Variants in ADGRE5 observed in about 807,000 individuals in gnomAD.
The protein encoded by ADGRE5 is adhesion G protein-coupled receptor E5.
A neutral mutation model predicts 100.3 loss-of-function variants in ADGRE5; 72 were observed. The ratio of observed to expected loss-of-function variants is 0.72; its 90% CI spans 0.59 to 0.87. The LOEUF is 0.87. ADGRE5 is among the 40% of genes least tolerant of loss of function. The pLI, the probability that ADGRE5 is intolerant of heterozygous loss-of-function variation, is 0.00. For synonymous variants in ADGRE5, 439 were observed against 447.8 expected (o/e 0.98, Z 0.25); for missense variants, 959 against 1,094.7 (o/e 0.88, Z 1.75).
Position 14,386,378 on chromosome 19 carries a change from CAAAAA to C in ADGRE5, c.23-2050_23-2046del, listed in dbSNP as rs747651350. On this transcript the variant is annotated intron_variant, in intron 1 of 19. Transcript: ENST00000242786. ...TGGGCAACAGAGCAAGACTCCATCT[CAAAAA>C]AAAAAAAAAAAAAAAAAAAAAGAGA... The C allele has an allele frequency of 8.4e-3, 114 of 13,614 alleles. 1 individual carries two copies. The highest frequency in any genetic ancestry group is 0.021 in the African/African-American group (100 of 4,696). The allele number at this position is 13,614 out of a possible 1,614,324, so 0.8% of individuals were successfully genotyped here. A position where few individuals can be genotyped will look rare whatever the true frequency, so the allele number is the denominator to read the frequency against.
intron 3 of ADGRE5, among the ~76,000 whole-genome samples, chr19:14,389,354 AGGGGGATGAGGAGGGAGAC>A: frequency 4.1e-5 from 1 of 24,244 alleles, no homozygotes; most frequent in Non-Finnish European, 7.1e-5. Flanking sequence ...GGGGAAGGGG[AGGGGGATGAGGAGGGAGAC>A]GGGGAAGGGG....
chr19:14,381,481 C>T lies in ADGRE5; in HGVS notation c.-43C>T, dbSNP rs777093304. On this transcript the variant is annotated 5_prime_UTR_variant, in exon 1 of 20. Transcript: ENST00000242786. ...CCTGTGGAGACGGGACAGCCCTGTC[C>T]CACTCACTCTTTCCCCTGCCGCTCC... The T allele has an allele frequency of 2.5e-6, 4 of 1,609,850 alleles. No homozygotes were observed. The highest frequency in any genetic ancestry group is 1.1e-5 in the South Asian group (1 of 90,956).
intron 1 of ADGRE5, among the ~76,000 whole-genome samples, chr19:14,388,208 A>T (rs1975427794): frequency 6.6e-6 from 1 of 151,920 alleles, no homozygotes; most frequent in Non-Finnish European, 1.5e-5. Flanking sequence ...AGCCTGGGTG[A>T]CCAAGCAGGA....
chr19:14,400,648 C>T (rs1275165867), intron 9 of ADGRE5, among the ~76,000 whole-genome samples: 3 of 151,844 alleles, frequency 2.0e-5, no homozygotes, highest in East Asian at 1.9e-4. Flanking sequence ...AAAAATTAGC[C>T]GGGCATGGTG....
chr19:14,402,541 G>A, intron 11 of ADGRE5, 56 bp from the exon 12 acceptor site: 3 of 1,593,996 alleles, frequency 1.9e-6, no homozygotes, highest in Non-Finnish European at 2.6e-6. Flanking sequence ...TGGGAGGGAG[G>A]ATAGAGCATG....
intron 9 of ADGRE5, among the ~76,000 whole-genome samples, chr19:14,399,804 C>T (rs147418346): frequency 1.1e-4 from 16 of 151,846 alleles, no homozygotes; most frequent in African/African-American, 3.9e-4. Flanking sequence ...ATGTGAGCCA[C>T]TTAACATCAT....
At chr19:14,405,143 C>T (rs28668137) in intron 13 of ADGRE5, 11,214 of 153,286 alleles carry the variant, frequency 0.073, 755 homozygotes, top group African/African-American at 0.18. Context: ...CCGCACCCGG[C>T]CTCTTTTTTT....
Position 14,406,818 on chromosome 19 carries a change from C to T in ADGRE5, c.2116-51C>T, listed in dbSNP as rs558062685. 7.5e-5 allele frequency: 121 copies of T among 1,610,098 alleles called. 1 individual carries two copies. In the South Asian group the frequency reaches 1.0e-3, roughly 14 times the overall value. On this transcript the variant is annotated intron_variant, in intron 16 of 19. Coordinates refer to ENST00000242786, the MANE Select transcript of ADGRE5 (RefSeq NM_078481.4). The surrounding 1 kb of genome is among the most constrained non-coding windows in gnomAD (Gnocchi z 6.0). The stretch of plus-strand genomic sequence containing the variant: ...AGCCCGAGCGCCACAGGCCCAGGCC[C>T]GGCTGGACCATCGCTCTCGCCCTCT...
At chr19:14,392,326 A>T (rs1281953952) in intron 4 of ADGRE5, among the ~76,000 whole-genome samples, 1 of 151,602 alleles carries the variant, frequency 6.6e-6, no homozygotes, top group Non-Finnish European at 1.5e-5. Flanking sequence ...TTTGAGACAG[A>T]GTCTCACTCT....
At position 14,408,288 on chromosome 19, in the gene ADGRE5, G is replaced by T. The variant is rs532842484; in HGVS notation, c.*167G>T. ...AGCTATAGTCTGGCACCAAAGTCCA[G>T]GACACCCAGTGGGGTGGAGTCGGAG... is the stretch of plus-strand genomic sequence containing the variant. On this transcript the variant is annotated 3_prime_UTR_variant, in exon 20 of 20. Coordinates refer to ENST00000242786, the MANE Select transcript of ADGRE5 (RefSeq NM_078481.4). The T allele has an allele frequency of 6.5e-6, 5 of 767,890 alleles. No homozygotes were observed. Among genetic ancestry groups the T allele is most frequent in the Admixed American group, 4.2e-5 (2 of 47,270 alleles). The allele number at this position is 767,890 out of a possible 1,614,324, so 47.6% of individuals were successfully genotyped here.
At chr19:14,404,264 C>A in intron 12 of ADGRE5, 119 bp from the exon 13 acceptor site, 3 of 872,496 alleles carry the variant, frequency 3.4e-6, no homozygotes, top group Non-Finnish European at 5.3e-6. Context: ...CTGTTACATT[C>A]AGTAGGCGCT....
intron 9 of ADGRE5, among the ~76,000 whole-genome samples, chr19:14,398,674 CAAA>C (rs71164256): frequency 1.9e-5 from 1 of 53,092 alleles, no homozygotes; most frequent in Non-Finnish European, 3.4e-5. Flanking sequence ...GACTCTGTCT[CAAA>C]AAAAAAAAAA....
chr19:14,390,619 C>T (rs955712010), intron 3 of ADGRE5, among the ~76,000 whole-genome samples: 7 of 152,074 alleles, frequency 4.6e-5, no homozygotes, highest in African/African-American at 1.2e-4. Flanking sequence ...CCACTGCACC[C>T]GGCCGCCATG....
chr19:14,389,271 AAGGG>A (rs1975486576), intron 3 of ADGRE5, among the ~76,000 whole-genome samples: 1 of 2,350 alleles, frequency 4.3e-4, no homozygotes, highest in African/African-American at 4.1e-3. Context: ...GGGGGAGGGG[AAGGG>A]GGAAGGGGAG....
chr19:14,399,072 C>T (rs1176947480), intron 9 of ADGRE5, among the ~76,000 whole-genome samples: 1 of 151,226 alleles, frequency 6.6e-6, no homozygotes, highest in African/African-American at 2.4e-5. Context: ...GTCTTGAACT[C>T]CTGGGCTTAA....
chr19:14,405,544 G>A, intron 13 of ADGRE5: 3 of 536,376 alleles, frequency 5.6e-6, no homozygotes, highest in Non-Finnish European at 9.8e-6. Flanking sequence ...GGCGCCTGTG[G>A]TCCAGGCCAA....
At chr19:14,391,274 G>A (rs1426962304) in intron 4 of ADGRE5, 195 bp downstream of exon 4, 1 of 700,386 alleles carries the variant, frequency 1.4e-6, no homozygotes, top group African/African-American at 1.8e-5. Flanking sequence ...CTGACTCTGG[G>A]ACCAGCTGCC....
chr19:14,384,808 T>C (rs1975277202), intron 1 of ADGRE5, among the ~76,000 whole-genome samples: 1 of 151,834 alleles, frequency 6.6e-6, no homozygotes, highest in Admixed American at 6.6e-5. Flanking sequence ...TCTGTCTCTC[T>C]GTCTGTCTCT....
At chr19:14,397,569 T>C in intron 6 of ADGRE5, 89 bp from the exon 7 acceptor site, 1 of 1,608,644 alleles carries the variant, frequency 6.2e-7, no homozygotes, top group Non-Finnish European at 8.5e-7. Flanking sequence ...GGGGCACTAA[T>C]GCCGGGAGGA....
Sources: gnomAD v4.1 joint callset for allele counts (sites outside exome capture counted in the v4.1 genomes callset) on GRCh38, gnomAD v4.1.1 for gene constraint, Gnocchi (gnomAD v3.1) non-coding constraint, MANE v1.5 for transcripts, NCBI Gene and HGNC (gene_info 2026-07-23, HGNC 2026-07-21) for gene names.